Variants in SHPRH observed in about 807,000 individuals in gnomAD.
SHPRH encodes SNF2 histone linker PHD RING helicase, also known as E3 ubiquitin-protein ligase SHPRH.
Under a neutral mutation model 202.5 loss-of-function variants are expected in SHPRH, and 106 were observed. The observed-to-expected ratio is 0.52, with a 90% CI of 0.45 to 0.62. The LOEUF (loss-of-function observed/expected upper bound fraction) is 0.62. Ranked by LOEUF, SHPRH falls within the 20% of genes least tolerant of loss-of-function variation. The pLI, the probability that SHPRH is intolerant of heterozygous loss-of-function variation, is 0.00. For missense variants in SHPRH, 1,710 were observed against 2,020.0 expected, an observed-to-expected ratio of 0.85 and a Z score of 2.94; for synonymous variants, 729 against 686.0, an observed-to-expected ratio of 1.06 and a Z score of -0.98.
Position 145,943,432 on chromosome 6 carries a change from C to A in SHPRH, c.1949G>T (p.Ser650Ile). The change falls in exon 9 of 30, where the codon AGT becomes ATT. Residue 650 changes from serine (S) to isoleucine (I), a missense_variant. By Grantham distance (142) the Ser-to-Ile change is moderately radical. Around this residue, in one of 8 missense-constraint regions of SHPRH, gnomAD observed 348 missense variants for 356.9 expected, o/e 0.97. Coordinates refer to ENST00000275233, the MANE Select transcript of SHPRH (RefSeq NM_001042683.3). ...DSDVPPSNTM[S>I]PFNTSDYRFE... ...GCGGTAATCAGAGGTGTTAAAGGGA[C>A]TCATGGTATTAGAAGGTGGTACATC... The A allele has an allele frequency of 6.2e-7, 1 of 1,614,014 alleles. No individual in the cohort carries two copies. The highest frequency in any genetic ancestry group is 8.5e-7 in the Non-Finnish European group (1 of 1,179,956).
chr6:145,910,499 C>T lies in SHPRH; in HGVS notation c.4464G>A (p.Ser1488=), dbSNP rs763414398. 1.1e-5 allele frequency: 18 copies of T among 1,613,068 alleles called. No individual in the cohort carries two copies. The East Asian group carries it at 2.5e-4, about 22-fold the overall frequency. The change falls in exon 25 of 30, where the codon TCG becomes TCA. Residue 1488 remains serine, a synonymous_variant. Transcript: ENST00000275233. ...CRQTTSHKEI[S]YVFTSEKANQ... ...TTGCTTTCTCTGAGGTAAAGACATA[C>T]GAGATTTCTTTGTGAGATGTGGTCT... is the stretch of plus-strand genomic sequence containing the variant.
At chr6:145,926,843 C>A (rs1230165872) in intron 15 of SHPRH, among the ~76,000 whole-genome samples, 1 of 151,854 alleles carries the variant, frequency 6.6e-6, no homozygotes, top group Non-Finnish European at 1.5e-5. Context: ...AGTTCCTTTT[C>A]TTTTTAATGA....
rs372881812 is a variant in SHPRH, at chr6:145,888,045, C to T, written c.4930G>A (p.Ala1644Thr). Residue 1644 changes from alanine to threonine, a missense_variant, in exon 29 of 30, where the codon GCA becomes ACA. This residue lies in a region of SHPRH where 306 missense variants were observed against 479.5 expected (regional missense o/e 0.64). Coordinates refer to ENST00000275233, the MANE Select transcript of SHPRH (RefSeq NM_001042683.3). ...CTTCTCTCAGCAGTTTTCAGCATTGCCTGCATTCTTTCTTCTATTGTTGCT... is the reference window on the plus strand; with the variant it reads ...CTTCTCTCAGCAGTTTTCAGCATTGTCTGCATTCTTTCTTCTATTGTTGCT... Reference protein sequence around the residue: ...IKATIEERMQAMLKTAERSHT... With the variant: ...IKATIEERMQTMLKTAERSHT... 4.3e-6 allele frequency: 7 copies of T among 1,612,946 alleles called. No homozygotes were observed. The highest frequency in any genetic ancestry group is 2.5e-6 in the Non-Finnish European group (3 of 1,179,146).
intron 1 of SHPRH, among the ~76,000 whole-genome samples, chr6:145,961,358 AG>A (rs1789072763): frequency 6.6e-6 from 1 of 152,192 alleles, no homozygotes; most frequent in Non-Finnish European, 1.5e-5. Flanking sequence ...TCCAGGGTGC[AG>A]CCAAGTTCAA....
At chr6:145,889,076 G>C (rs150373084) in intron 28 of SHPRH, among the ~76,000 whole-genome samples, 17 of 152,258 alleles carry the variant, frequency 1.1e-4, no homozygotes, top group Non-Finnish European at 2.4e-4. Flanking sequence ...TCCAAGGTGA[G>C]TCCAGAGATA....
At chr6:145,952,233 T>C (rs1788050348) in intron 3 of SHPRH, 116 bp downstream of exon 3, 4 of 950,934 alleles carry the variant, frequency 4.2e-6, no homozygotes, top group Non-Finnish European at 6.0e-6. Context: ...CATATAATCA[T>C]TTAATTTTTA....
chr6:145,888,205 CT>C (rs2128709051), intron 28 of SHPRH, 105 bp from the exon 29 acceptor site: 2 of 757,860 alleles, frequency 2.6e-6, no homozygotes, highest in African/African-American at 3.5e-5. Context: ...TTGGTGCCCA[CT>C]TGTGGCAGGT....
chr6:145,962,274 A>C (rs1789166748), intron 1 of SHPRH, among the ~76,000 whole-genome samples: 1 of 152,192 alleles, frequency 6.6e-6, no homozygotes, highest in Non-Finnish European at 1.5e-5. Flanking sequence ...GTAGTATCCT[A>C]TTCAGTGTTG....
chr6:145,899,919 C>T (rs756574020), intron 25 of SHPRH, among the ~76,000 whole-genome samples: 1 of 152,090 alleles, frequency 6.6e-6, no homozygotes, highest in Non-Finnish European at 1.5e-5. Flanking sequence ...CGACCCTAAT[C>T]ATCAGGGAAA....
chr6:145,876,556 A>C (rs1780313585), intron 2 of SHPRH: 1 of 152,120 alleles, frequency 6.6e-6, no homozygotes, highest in Non-Finnish European at 1.5e-5. Flanking sequence ...ACCATATTTG[A>C]TTTATCCATT....
intron 1 of SHPRH, among the ~76,000 whole-genome samples, chr6:145,960,038 T>C (rs527486101): frequency 6.6e-6 from 1 of 152,350 alleles, no homozygotes; most frequent in East Asian, 1.9e-4. Context: ...TGTAACACAC[T>C]ACCTCAAAGC....
chr6:145,921,903 A>G (rs1158493244), intron 20 of SHPRH, among the ~76,000 whole-genome samples: 1 of 152,066 alleles, frequency 6.6e-6, no homozygotes, highest in Non-Finnish European at 1.5e-5. Context: ...CATTAAAGTA[A>G]TAACATATTT....
At chr6:145,954,117 A>G (rs574287636) in intron 2 of SHPRH, among the ~76,000 whole-genome samples, 2 of 150,780 alleles carry the variant, frequency 1.3e-5, no homozygotes, top group East Asian at 3.9e-4. Context: ...ATAACCAGGA[A>G]TTACCAGGGA....
chr6:145,924,853 T>C lies in SHPRH; in HGVS notation c.3295-7A>G. The C allele has an allele frequency of 6.2e-7, 1 of 1,607,584 alleles. No individual in the cohort carries two copies. The highest frequency in any genetic ancestry group is 8.5e-7 in the Non-Finnish European group (1 of 1,175,488). On this transcript the variant is annotated splice_polypyrimidine_tract_variant and splice_region_variant and intron_variant, in intron 16 of 29. Transcript: ENST00000275233. ...GCTCTCGCAGCTGTTTGGCCTGTGT[T>C]GAAACAGAGAATATAAACTTTCACT...
the SHPRH span, among the ~76,000 whole-genome samples, chr6:145,859,127 T>A: frequency 6.6e-6 from 1 of 152,090 alleles, no homozygotes; most frequent in African/African-American, 2.4e-5. Flanking sequence ...GAGATCTTTG[T>A]ATGTACATGT....
chr6:145,887,447 G>A (rs1781138004), intron 29 of SHPRH, among the ~76,000 whole-genome samples: 1 of 151,532 alleles, frequency 6.6e-6, no homozygotes, highest in African/African-American at 2.4e-5. Flanking sequence ...TGATTCCAGA[G>A]TCAAGCTTTT....
intron 13 of SHPRH, among the ~76,000 whole-genome samples, chr6:145,934,296 G>A (rs947601287): frequency 1.3e-5 from 2 of 151,516 alleles, no homozygotes; most frequent in South Asian, 2.1e-4. Flanking sequence ...ATGAAACCCC[G>A]TCTCTACTAA....
chr6:145,952,333 T>G lies in SHPRH; in HGVS notation c.763+16A>C. 6.4e-7 allele frequency: 1 copy of G among 1,573,434 alleles called. No individual in the cohort carries two copies. On this transcript the variant is annotated intron_variant, in intron 3 of 29. Coordinates refer to ENST00000275233, the MANE Select transcript of SHPRH (RefSeq NM_001042683.3). ...TCCTAAGTAATAGCAATTTTTAAGTTTACTGTAAATATTACCTGGAATAAT... is the reference window on the plus strand; with the variant it reads ...TCCTAAGTAATAGCAATTTTTAAGTGTACTGTAAATATTACCTGGAATAAT...
chr6:145,932,327 CAAT>C (rs1410833856), intron 14 of SHPRH, among the ~76,000 whole-genome samples: 6 of 152,000 alleles, frequency 3.9e-5, no homozygotes, highest in African/African-American at 1.5e-4. Flanking sequence ...GCAAAAACTA[CAAT>C]AACAGGCAAA....
Sources: allele counts gnomAD v4.1 joint callset (sites outside exome capture counted in the v4.1 genomes callset), GRCh38; gene constraint gnomAD v4.1.1; regional missense constraint gnomAD v4.1.1; transcripts MANE v1.5; gene names NCBI Gene and HGNC (gene_info 2026-07-23, HGNC 2026-07-21).